KSR1: variants seen among roughly 807,000 people sequenced by gnomAD.
The protein encoded by KSR1 is kinase suppressor of ras.
In KSR1, 35 loss-of-function variants were observed where a neutral mutation model predicts 92.9. The observed-to-expected ratio is 0.38, with a 90% CI of 0.29 to 0.50. The LOEUF is 0.50. Ranked by LOEUF, KSR1 falls within the 20% of genes least tolerant of loss-of-function variation. The probability of loss-of-function intolerance (pLI) is 0.94; values close to 1 mark genes in which losing one functional copy is unlikely to be tolerated. For missense variants in KSR1, 972 were observed against 1,158.5 expected (o/e 0.84, Z 2.34); for synonymous variants, 467 against 472.6 (o/e 0.99, Z 0.15).
chr17:27,485,926 A>G (rs2068650609), intron 1 of KSR1, among the ~76,000 whole-genome samples: 1 of 152,200 alleles, frequency 6.6e-6, no homozygotes, highest in Non-Finnish European at 1.5e-5. Flanking sequence ...GAGCTTAGCT[A>G]CAGAGCTGCT....
intron 1 of KSR1, among the ~76,000 whole-genome samples, chr17:27,515,800 A>T (rs1312381052): frequency 6.6e-6 from 1 of 152,014 alleles, no homozygotes; most frequent in Non-Finnish European, 1.5e-5. Flanking sequence ...GCTCTGGGGG[A>T]AACCATAGAC....
chr17:27,459,661 C>T lies in KSR1; in HGVS notation c.231+2787C>T, dbSNP rs143650895. On this transcript the variant is annotated intron_variant, in intron 1 of 20. Coordinates refer to ENST00000644974, the MANE Select transcript of KSR1 (RefSeq NM_001394583.1). The surrounding 1 kb of genome is among the most constrained non-coding windows in gnomAD (Gnocchi z 4.6). ...GAAGGATCTGACCTGGAGGGCTTGG[C>T]CTGTGCAACTGCATCGGACTTATCT... Among the ~76,000 whole-genome samples the T allele has an allele frequency of 2.6e-5, 4 of 152,336 alleles. No homozygotes were observed. Among genetic ancestry groups the T allele is most frequent in the African/African-American group, 9.6e-5 (4 of 41,572 alleles).
chr17:27,614,547 AAGTTGGAATCAT>A (rs1288621624), intron 18 of KSR1, among the ~76,000 whole-genome samples: 1 of 152,254 alleles, frequency 6.6e-6, no homozygotes, highest in Non-Finnish European at 1.5e-5. Flanking sequence ...CACTGGCTGC[AAGTTGGAATCAT>A]CTGGGAGCTT....
chr17:27,560,736 T>A (rs964557393), intron 2 of KSR1, among the ~76,000 whole-genome samples: 8 of 152,214 alleles, frequency 5.3e-5, no homozygotes, highest in Non-Finnish European at 1.0e-4. Context: ...GGCATGACTA[T>A]GGCCCTCATT....
chr17:27,576,579 A>C (rs2072515003), intron 2 of KSR1, among the ~76,000 whole-genome samples: 1 of 152,140 alleles, frequency 6.6e-6, no homozygotes, highest in South Asian at 2.1e-4. Context: ...TCTGATAACC[A>C]AGATAGCTAC....
chr17:27,617,493 AG>A, intron 19 of KSR1, 65 bp downstream of exon 19: 1 of 1,551,420 alleles, frequency 6.4e-7, no homozygotes. Flanking sequence ...GGGGTCTTAG[AG>A]GGCACCTTCT....
intron 1 of KSR1, among the ~76,000 whole-genome samples, chr17:27,524,309 C>T (rs2070159924): frequency 6.6e-6 from 1 of 151,916 alleles, no homozygotes; most frequent in South Asian, 2.1e-4. Context: ...GGGGCTTCTG[C>T]AAGAGCAGTT....
chr17:27,583,055 G>A lies in KSR1; in HGVS notation c.930G>A (p.Lys310=). The change falls in exon 4 of 21, where the codon AAG becomes AAA. Residue 310 remains lysine (K), a synonymous_variant. Coordinates refer to ENST00000644974, the MANE Select transcript of KSR1 (RefSeq NM_001394583.1). ...LPSFPTLTRS[K]SHESQLGNRI... The stretch of plus-strand genomic sequence containing the variant: ...GCTTCCCCACACTCACCCGGAGCAA[G>A]TCCCATGAGTCTCAGCTGGGGAACC... The A allele has an allele frequency of 6.2e-7, 1 of 1,602,544 alleles. No individual in the cohort carries two copies. Among genetic ancestry groups the A allele is most frequent in the Non-Finnish European group, 8.5e-7 (1 of 1,174,160 alleles).
chr17:27,507,650 C>A (rs1373410141), intron 1 of KSR1, among the ~76,000 whole-genome samples: 3 of 133,354 alleles, frequency 2.2e-5, no homozygotes, highest in Non-Finnish European at 4.7e-5. Context: ...GATCTTGGCT[C>A]ACCGTAACCT....
intron 1 of KSR1, among the ~76,000 whole-genome samples, chr17:27,465,837 T>C (rs1487081183): frequency 6.6e-6 from 1 of 152,104 alleles, no homozygotes; most frequent in Non-Finnish European, 1.5e-5. Flanking sequence ...GCTTCATTCA[T>C]GGTGCACACA....
chr17:27,526,094 T>TTCTTTCTCTCTCTCTTTC (rs55706224), intron 1 of KSR1, among the ~76,000 whole-genome samples: 1 of 118,402 alleles, frequency 8.4e-6, no homozygotes, highest in Non-Finnish European at 1.7e-5. Flanking sequence ...CTTTCTTTCT[T>TTCTTTCTCTCTCTCTTTC]TCTCTCTCTC....
intron 1 of KSR1, among the ~76,000 whole-genome samples, chr17:27,461,056 T>TTTTTG (rs1203216496): frequency 2.0e-5 from 3 of 152,168 alleles, no homozygotes; most frequent in Middle Eastern, 3.4e-3. Flanking sequence ...CCTCCTGGTT[T>TTTTTG]TTTTGTTTTG....
intron 1 of KSR1, among the ~76,000 whole-genome samples, chr17:27,530,905 A>C (rs1268755592): frequency 6.6e-6 from 1 of 152,188 alleles, no homozygotes; most frequent in African/African-American, 2.4e-5. Flanking sequence ...TAACACAAAA[A>C]ACTTCCTATG....
At chr17:27,612,515 C>T (rs971773739) in intron 18 of KSR1, 5 of 152,238 alleles carry the variant, frequency 3.3e-5, no homozygotes, top group African/African-American at 1.2e-4. Flanking sequence ...AGCCTCTCTT[C>T]ATGGCTTTCC....
rs1387279604 is a variant in KSR1 at position 27,605,577 on chromosome 17, C to T, written c.1758C>T (p.Ile586=). The T allele has an allele frequency of 6.3e-7, 1 of 1,596,884 alleles. No homozygotes were observed. The highest frequency in any genetic ancestry group is 1.1e-5 in the South Asian group (1 of 88,448). The change falls in exon 14 of 21, where the codon ATC becomes ATT. Residue 586 remains isoleucine, a synonymous_variant. Transcript: ENST00000644974. Reference sequence around the variant, plus strand: ...GCGTGTACCTGCAGGAGTGGGACATCCCCTTCGAGCAGGTAGAGCTGGGCG... The same window carrying T: ...GCGTGTACCTGCAGGAGTGGGACATTCCCTTCGAGCAGGTAGAGCTGGGCG... ...QTSVYLQEWD[I]PFEQVELGEP... is the part of the protein sequence containing the mutation.
rs2037515 is a variant in KSR1 at position 27,459,589 on chromosome 17, G to C, written c.231+2715G>C. Among the ~76,000 whole-genome samples, 1 of 152,218 alleles carries C rather than the reference G, an allele frequency of 6.6e-6. No individual in the cohort carries two copies. The highest frequency in any genetic ancestry group is 1.5e-5 in the Non-Finnish European group (1 of 68,042). On this transcript the variant is annotated intron_variant, in intron 1 of 20. Transcript: ENST00000644974. This position sits in a 1 kb window ranked among gnomAD's most constrained non-coding sequence, Gnocchi z 4.6. ...CTGTGGGCTCCCCACACACCAGGCC[G>C]TGGCCCCAGAGACTGTGCTTGCAAC...
chr17:27,608,885 G>A (rs1241451089), intron 15 of KSR1, among the ~76,000 whole-genome samples: 3 of 152,090 alleles, frequency 2.0e-5, no homozygotes, highest in Non-Finnish European at 2.9e-5. Context: ...CTGACCCCCC[G>A]GCTCCCTGCC....
In KSR1 at chr17:27,614,110, T is replaced by A. The variant is rs372014869; in HGVS notation, c.2493+2481T>A. On this transcript the variant is annotated intron_variant, in intron 18 of 20. Coordinates refer to ENST00000644974, the MANE Select transcript of KSR1 (RefSeq NM_001394583.1). ...AGCCCCCATGCCTGGCATAGTCTTT[T>A]AAAAAAATATTTAAGACATACATAT... Among the ~76,000 whole-genome samples, 530 of 152,354 alleles carry A rather than the reference T, an allele frequency of 3.5e-3. 3 individuals carry two copies. Among genetic ancestry groups the A allele is most frequent in the African/African-American group, 0.012 (505 of 41,576 alleles).
intron 9 of KSR1, among the ~76,000 whole-genome samples, chr17:27,595,683 C>T (rs1211987782): frequency 2.8e-5 from 4 of 140,938 alleles, no homozygotes; most frequent in African/African-American, 7.9e-5. Flanking sequence ...TCCCAGGGCT[C>T]CCTGCCCCCC....
Sources: gnomAD v4.1 joint callset for allele counts (sites outside exome capture counted in the v4.1 genomes callset) on GRCh38, gnomAD v4.1.1 for gene constraint, Gnocchi (gnomAD v3.1) non-coding constraint, MANE v1.5 for transcripts, NCBI Gene and HGNC (gene_info 2026-07-23, HGNC 2026-07-21) for gene names.